Variants in NFATC1 observed in about 807,000 individuals in gnomAD.
The protein encoded by NFATC1 is nuclear factor of activated T-cells, cytoplasmic 1.
A neutral mutation model predicts 76.0 loss-of-function variants in NFATC1; 22 were observed. The observed-to-expected ratio is 0.29, with a 90% CI of 0.21 to 0.41. The LOEUF is 0.41. Among genes scored for constraint, NFATC1 ranks in the 10% least tolerant of loss-of-function variants. NFATC1 has a pLI of 1.00. For missense variants in NFATC1, 1,357 were observed against 1,337.7 expected (o/e 1.01, Z -0.23); for synonymous variants, 704 against 613.1 (o/e 1.15, Z -2.19).
At position 79,482,574 on chromosome 18, in the gene NFATC1, C is replaced by T. The variant is rs1405195396; in HGVS notation, c.2093-3674C>T. Among the ~76,000 whole-genome samples the T allele has an allele frequency of 2.9e-4, 39 of 135,658 alleles. 1 individual carries two copies. The highest frequency in any genetic ancestry group is 1.7e-3 in the Admixed American group (23 of 13,324). 89.0% of individuals were successfully genotyped at this position (135,658 alleles called of 152,430 possible). A position where few individuals can be genotyped will look rare whatever the true frequency, so the allele number is the denominator to read the frequency against. On this transcript the variant is annotated intron_variant, in intron 8 of 9. Transcript: ENST00000427363. Reference sequence around the variant, plus strand: ...CCTGGTTCCTGAGGTGTAATTCCAGCGTGACCTGGTCCTGGGGTGTCATTC... The same window carrying T: ...CCTGGTTCCTGAGGTGTAATTCCAGTGTGACCTGGTCCTGGGGTGTCATTC...
rs531305238 is a variant in NFATC1 at position 79,444,561 on chromosome 18, C to T, written c.1387-4221C>T. ...TCTGAAGGGGCCAGGGCAGGGCGTCCGGCAGATGAAGCTGCCCCTTAAAGC... is the reference window on the plus strand; with the variant it reads ...TCTGAAGGGGCCAGGGCAGGGCGTCTGGCAGATGAAGCTGCCCCTTAAAGC... On this transcript the variant is annotated intron_variant, in intron 3 of 9. Coordinates refer to ENST00000427363, the MANE Select transcript of NFATC1 (RefSeq NM_001278669.2). Among the ~76,000 whole-genome samples the T allele has an allele frequency of 3.9e-5, 6 of 152,348 alleles. 1 individual carries two copies. Among genetic ancestry groups the T allele is most frequent in the Admixed American group, 2.6e-4 (4 of 15,310 alleles).
intron 2 of NFATC1, among the ~76,000 whole-genome samples, chr18:79,414,937 C>T (rs2148208828): frequency 6.6e-6 from 1 of 152,300 alleles, no homozygotes; most frequent in South Asian, 2.1e-4. Flanking sequence ...AATAGTGGTT[C>T]TCAAATGGTA....
chr18:79,436,149 T>C (rs1329785609), intron 3 of NFATC1, among the ~76,000 whole-genome samples: 1 of 152,222 alleles, frequency 6.6e-6, no homozygotes, highest in East Asian at 1.9e-4. Flanking sequence ...ACCGCAGACG[T>C]GCCCTCGGTG....
Position 79,465,729 on chromosome 18 carries a change from G to A in NFATC1, c.1960-1721G>A, listed in dbSNP as rs1196817438. 6.6e-6 allele frequency among the ~76,000 whole-genome samples: 1 copy of A among 152,200 alleles called. No homozygotes were observed. The highest frequency in any genetic ancestry group is 2.4e-5 in the African/African-American group (1 of 41,440). ...ACCTGGTGTAGCTGCTGACTCCATC[G>A]CAGCTGCCCTGAGCACTGCTGAATT... On this transcript the variant is annotated intron_variant, in intron 7 of 9. Coordinates refer to ENST00000427363, the MANE Select transcript of NFATC1 (RefSeq NM_001278669.2). This position sits in a 1 kb window ranked among gnomAD's most constrained non-coding sequence, Gnocchi z 4.2.
At chr18:79,518,566 A>G (rs2090441213) in intron 9 of NFATC1, among the ~76,000 whole-genome samples, 1 of 152,234 alleles carries the variant, frequency 6.6e-6, no homozygotes, top group Admixed American at 6.5e-5. Context: ...GTGTTTTGTC[A>G]CATCGTTCAG....
intron 6 of NFATC1, among the ~76,000 whole-genome samples, chr18:79,455,067 T>C (rs2087630443): frequency 6.6e-6 from 1 of 152,170 alleles, no homozygotes; most frequent in Non-Finnish European, 1.5e-5. Flanking sequence ...AGAGCCTGGC[T>C]GAGATGAGAC....
chr18:79,502,420 AG>A (rs563623214), intron 9 of NFATC1, among the ~76,000 whole-genome samples: 160 of 152,354 alleles, frequency 1.1e-3, no homozygotes, highest in Non-Finnish European at 2.1e-3. Context: ...GATTAGGCAG[AG>A]GTTTCTTAGA....
intron 9 of NFATC1, among the ~76,000 whole-genome samples, chr18:79,515,182 TA>T (rs1381810576): frequency 6.6e-6 from 1 of 151,638 alleles, no homozygotes; most frequent in Non-Finnish European, 1.5e-5. Flanking sequence ...CCATCTCTAC[TA>T]AAAATACAAA....
intron 7 of NFATC1, among the ~76,000 whole-genome samples, chr18:79,464,694 A>ATATATTT (rs1568994689): frequency 3.7e-5 from 4 of 106,718 alleles, no homozygotes; most frequent in African/African-American, 2.0e-4. Context: ...ATATATATAT[A>ATATATTT]TTTATTTATT....
intron 2 of NFATC1, among the ~76,000 whole-genome samples, chr18:79,426,287 G>T (rs76247824): frequency 1.4e-5 from 2 of 145,876 alleles, no homozygotes; most frequent in Admixed American, 6.6e-5. Context: ...CATCTCTGTC[G>T]CGAGCTTTCG....
At position 79,486,589 on chromosome 18, in the gene NFATC1, G is replaced by A. The variant is rs201484637; in HGVS notation, c.2434G>A (p.Gly812Ser). 113 of 1,589,352 alleles carry A rather than the reference G, an allele frequency of 7.1e-5. No individual in the cohort carries two copies. In the East Asian group the frequency reaches 1.5e-3, roughly 21 times the overall value. Residue 812 changes from glycine to serine, a missense_variant, in exon 9 of 10, where the codon GGC becomes AGC. Gly to Ser is a moderately conservative substitution (Grantham distance 56). Coordinates refer to ENST00000427363, the MANE Select transcript of NFATC1 (RefSeq NM_001278669.2). Reference sequence around the variant, plus strand: ...GCCCAGGCCAGTGGCCACGCACCCCGGCTCGCCCGGGCAGCCACCCCCGGC... The same window carrying A: ...GCCCAGGCCAGTGGCCACGCACCCCAGCTCGCCCGGGCAGCCACCCCCGGC... Reference protein sequence around the residue: ...DVPRPVATHPGSPGQPPPALL... With the variant: ...DVPRPVATHPSSPGQPPPALL...
chr18:79,526,202 C>A (rs1167672318), intron 9 of NFATC1, among the ~76,000 whole-genome samples: 1 of 152,248 alleles, frequency 6.6e-6, no homozygotes, highest in Non-Finnish European at 1.5e-5. Context: ...AGTCCGGGAG[C>A]AGCCTGCGAG....
At chr18:79,468,211 C>G (rs1271325967) in intron 8 of NFATC1, 1 of 152,900 alleles carries the variant, frequency 6.5e-6, no homozygotes, top group African/African-American at 2.5e-5. Flanking sequence ...CCTTTTTAAC[C>G]TTTAGGGTGT....
At chr18:79,466,178 G>A (rs2088484354) in intron 7 of NFATC1, among the ~76,000 whole-genome samples, 1 of 152,188 alleles carries the variant, frequency 6.6e-6, no homozygotes, top group East Asian at 1.9e-4. Context: ...TGGACCTCAA[G>A]TTGTCTTCAG....
At chr18:79,456,027 C>T (rs936087689) in intron 6 of NFATC1, among the ~76,000 whole-genome samples, 1 of 152,232 alleles carries the variant, frequency 6.6e-6, no homozygotes, top group South Asian at 2.1e-4. Context: ...CTTTCCAAGG[C>T]TGCCCTGCCA....
In NFATC1 at chr18:79,397,898, C is replaced by G. The variant is rs557438298; in HGVS notation, c.127+1547C>G. On this transcript the variant is annotated intron_variant, in intron 1 of 9. Transcript: ENST00000427363. ...TGCTGCAAGGCAGTGCGCCGGGCAG[C>G]GACGCCCGACCGACATGGGTGTATT... is the stretch of plus-strand genomic sequence containing the variant. Among the ~76,000 whole-genome samples the G allele has an allele frequency of 2.0e-5, 3 of 152,308 alleles. No individual in the cohort carries two copies. In the South Asian group the frequency reaches 6.2e-4, roughly 32 times the overall value.
At chr18:79,448,169 G>A (rs2087295519) in intron 3 of NFATC1, 1 of 155,414 alleles carries the variant, frequency 6.4e-6, no homozygotes, top group Non-Finnish European at 1.4e-5. Flanking sequence ...ATGCATGGTT[G>A]CCCTAGGCAG....
At chr18:79,397,618 T>C (rs2085050764) in intron 1 of NFATC1, among the ~76,000 whole-genome samples, 1 of 152,252 alleles carries the variant, frequency 6.6e-6, no homozygotes, top group Middle Eastern at 3.2e-3. Context: ...CACAATGTGC[T>C]CTTGCTAGTA....
intron 2 of NFATC1, among the ~76,000 whole-genome samples, chr18:79,431,419 C>A (rs2086584042): frequency 6.6e-6 from 1 of 152,168 alleles, no homozygotes; most frequent in Non-Finnish European, 1.5e-5. Context: ...CACATGCGAT[C>A]TTGGCTCACT....
Sources: allele counts gnomAD v4.1 joint callset (sites outside exome capture counted in the v4.1 genomes callset), GRCh38; gene constraint gnomAD v4.1.1; non-coding constraint Gnocchi (gnomAD v3.1); transcripts MANE v1.5; gene names NCBI Gene and HGNC (gene_info 2026-07-23, HGNC 2026-07-21).